VPS13D: variants seen among roughly 807,000 people sequenced by gnomAD.
VPS13D encodes the protein intermembrane lipid transfer protein VPS13D.
VPS13D carries 187 observed loss-of-function variants against 461.9 expected under a neutral mutation model. The ratio of observed to expected loss-of-function variants is 0.40; its 90% CI spans 0.36 to 0.46. The LOEUF (loss-of-function observed/expected upper bound fraction) is 0.46, where lower values mean the gene tolerates loss of function less well. Among genes scored for constraint, VPS13D ranks in the 20% least tolerant of loss-of-function variants. The pLI is 0.60. For missense variants in VPS13D, 4,711 were observed against 5,364.9 expected, an observed-to-expected ratio of 0.88 and a Z score of 3.81; for synonymous variants, 1,951 against 1,986.3, an observed-to-expected ratio of 0.98 and a Z score of 0.47.
At chr1:12,271,731 T>C (rs1486270934) in intron 17 of VPS13D, among the ~76,000 whole-genome samples, 1 of 151,944 alleles carries the variant, frequency 6.6e-6, no homozygotes, top group Admixed American at 6.6e-5. Flanking sequence ...ACTTTGTGCA[T>C]GTTTCATGTG....
chr1:12,347,735 C>A (rs979553896), intron 44 of VPS13D, among the ~76,000 whole-genome samples: 7 of 152,204 alleles, frequency 4.6e-5, no homozygotes, highest in African/African-American at 1.7e-4. Flanking sequence ...GCTTGAATGT[C>A]ATGCCATTTG....
At chr1:12,265,846 TA>T (rs1641251044) in intron 13 of VPS13D, among the ~76,000 whole-genome samples, 2 of 152,172 alleles carry the variant, frequency 1.3e-5, no homozygotes, top group African/African-American at 4.8e-5. Context: ...CTGGTGAAGA[TA>T]CTATGAACAC....
intron 46 of VPS13D, among the ~76,000 whole-genome samples, chr1:12,352,617 A>T (rs1017990254): frequency 6.6e-6 from 1 of 152,234 alleles, no homozygotes; most frequent in Non-Finnish European, 1.5e-5. Context: ...AGTAGCTAGT[A>T]GGAGTGTAAA....
chr1:12,405,551 C>T (rs1644641862), intron 63 of VPS13D, among the ~76,000 whole-genome samples: 1 of 152,154 alleles, frequency 6.6e-6, no homozygotes, highest in Non-Finnish European at 1.5e-5. Flanking sequence ...AGGAATGGCT[C>T]TTGCAGCCAT....
In VPS13D at chr1:12,299,314, T is replaced by C. The variant is rs760405262; in HGVS notation, c.6146T>C (p.Leu2049Ser). Residue 2049 changes from leucine to serine, a missense_variant, in exon 25 of 70, where the codon TTG becomes TCG. Leu to Ser is a moderately radical substitution (Grantham distance 145). Transcript: ENST00000620676. This position sits in a 1 kb window ranked among gnomAD's most constrained non-coding sequence, Gnocchi z 4.2. ...SRSNNLIVANLGKLKVKNKFL... is the reference protein window; with the variant it reads ...SRSNNLIVANSGKLKVKNKFL... ...TCAAATAATCTGATTGTAGCAAATT[T>C]GGGGAAGTTGAAAGTCAAAAATAAG... is the stretch of plus-strand genomic sequence containing the variant. The C allele has an allele frequency of 1.2e-6, 2 of 1,614,004 alleles. No individual in the cohort carries two copies. Among genetic ancestry groups the C allele is most frequent in the Non-Finnish European group, 8.5e-7 (1 of 1,179,994 alleles).
chr1:12,259,324 T>A lies in VPS13D; in HGVS notation c.1110+1221T>A, dbSNP rs547152316. Among the ~76,000 whole-genome samples the A allele has an allele frequency of 7.9e-5, 12 of 151,778 alleles. No homozygotes were observed. In the East Asian group the frequency reaches 1.2e-3, roughly 15 times the overall value. On this transcript the variant is annotated intron_variant, in intron 10 of 69. Transcript: ENST00000620676. ...ACCCCCAGCCTACTCTTTTTATTTT[T>A]TTTTTTTTTGAGACAGGATCTCCTT...
At position 12,345,482 on chromosome 1, in the gene VPS13D, A is replaced by G; in HGVS notation, c.8994A>G (p.Ala2998=). The change falls in exon 43 of 70, where the codon GCA becomes GCG. Residue 2998 remains alanine, a synonymous_variant. Transcript: ENST00000620676. The part of the protein sequence containing the change: ...DKVGTFFRYA[A]PDKNSSSSTI... ...TCGGGACCTTTTTTCGATATGCAGC[A>G]CCAGATAAAAATTCATCTTCCTCTA... 6 of 1,613,452 alleles carry G rather than the reference A, an allele frequency of 3.7e-6. No homozygotes were observed. Among genetic ancestry groups the G allele is most frequent in the African/African-American group, 1.3e-5 (1 of 75,044 alleles).
intron 47 of VPS13D, among the ~76,000 whole-genome samples, chr1:12,354,521 A>AGCTC (rs1643869432): frequency 6.6e-6 from 1 of 152,140 alleles, no homozygotes; most frequent in Non-Finnish European, 1.5e-5. Flanking sequence ...GCAACAAAGT[A>AGCTC]AGACCCTGTC....
intron 58 of VPS13D, among the ~76,000 whole-genome samples, chr1:12,384,357 C>T (rs1049431127): frequency 6.6e-6 from 1 of 152,060 alleles, no homozygotes; most frequent in African/African-American, 2.4e-5. Flanking sequence ...ATCCAGATCA[C>T]TAAGGGATGA....
rs1298600516 is a variant in VPS13D at position 12,363,222 on chromosome 1, A to G, written c.10423A>G (p.Asn3475Asp). 6.2e-7 allele frequency: 1 copy of G among 1,614,164 alleles called. No homozygotes were observed. Among genetic ancestry groups the G allele is most frequent in the Admixed American group, 1.7e-5 (1 of 60,016 alleles). Residue 3475 changes from asparagine to aspartate, a missense_variant, in exon 52 of 70, where the codon AAT (asparagine) becomes GAT (aspartate). Physicochemically the swap from Asn to Asp is conservative, Grantham distance 23. Coordinates refer to ENST00000620676, the MANE Select transcript of VPS13D (RefSeq NM_015378.4). ...IWSGGFEVNK[N>D]NSFHINMRDT... ...GTCTGGAGGCTTTGAAGTCAACAAG[A>G]ATAATTCCTTCCATATCAACATGAG... is the stretch of plus-strand genomic sequence containing the variant.
chr1:12,288,405 G>C, intron 22 of VPS13D, 92 bp downstream of exon 22: 1 of 1,153,070 alleles, frequency 8.7e-7, no homozygotes. Flanking sequence ...CACGTGCTGA[G>C]TAAGGTGTGG....
At chr1:12,413,145 A>G (rs192647760) in intron 63 of VPS13D, among the ~76,000 whole-genome samples, 95 of 151,872 alleles carry the variant, frequency 6.3e-4, no homozygotes, top group African/African-American at 2.1e-3. Context: ...ACCATTACAC[A>G]CTGTTCAGAT....
chr1:12,234,410 A>G (rs1156307742), intron 2 of VPS13D, 47 bp downstream of exon 2: 2 of 1,499,244 alleles, frequency 1.3e-6, no homozygotes, highest in Admixed American at 3.7e-5. Flanking sequence ...TGGCGTTTCT[A>G]TTTTTGTATT....
rs139048688 is a variant in VPS13D, at chr1:12,283,504, C to A, written c.5402C>A (p.Ser1801Tyr). ...LVDKKHPEFS[S>Y]SYNRVNRSID... is the part of the protein sequence containing the mutation. Reference sequence around the variant, plus strand: ...GATAAGAAACATCCAGAATTCTCTTCCAGTTACAATCGAGTTAACCGGAGC... The same window carrying A: ...GATAAGAAACATCCAGAATTCTCTTACAGTTACAATCGAGTTAACCGGAGC... The change falls in exon 21 of 70, where the codon TCC becomes TAC. Residue 1801 changes from serine to tyrosine, a missense_variant. Physicochemically the swap from Ser to Tyr is moderately radical, Grantham distance 144. Transcript: ENST00000620676. 5.0e-6 allele frequency: 8 copies of A among 1,614,222 alleles called. No homozygotes were observed. The highest frequency in any genetic ancestry group is 1.6e-4 in the Middle Eastern group (1 of 6,062).
At chr1:12,423,158 A>G (rs762663275) in intron 65 of VPS13D, among the ~76,000 whole-genome samples, 4 of 152,310 alleles carry the variant, frequency 2.6e-5, no homozygotes, top group African/African-American at 7.2e-5. Context: ...TCATTTGATC[A>G]TCAGAATTAC....
At chr1:12,412,139 T>C (rs1047437958) in intron 63 of VPS13D, among the ~76,000 whole-genome samples, 2 of 152,172 alleles carry the variant, frequency 1.3e-5, no homozygotes, top group South Asian at 4.1e-4. Context: ...AGAAAACAAT[T>C]AAACATTATT....
rs1235318650 is a variant in VPS13D, at chr1:12,322,544, A to T, written c.7713A>T (p.Leu2571Phe). 1.2e-6 allele frequency: 2 copies of T among 1,614,140 alleles called. No individual in the cohort carries two copies. The highest frequency in any genetic ancestry group is 2.2e-5 in the South Asian group (2 of 91,070). The change falls in exon 34 of 70, where the codon TTA (leucine) becomes TTT (phenylalanine). Residue 2571 changes from leucine (L) to phenylalanine (F), a missense_variant. Leu to Phe is a conservative substitution (Grantham distance 22). Coordinates refer to ENST00000620676, the MANE Select transcript of VPS13D (RefSeq NM_015378.4). The stretch of plus-strand genomic sequence containing the variant: ...TTTTTACATTTTGTTAGATTCAGTT[A>T]CAAGCCCTGGATATCAGACTCTCCT... ...EDFPPVLEIQ[L>F]QALDIRLSYN...
At chr1:12,448,973 A>G (rs1645227823) in intron 65 of VPS13D, among the ~76,000 whole-genome samples, 1 of 152,180 alleles carries the variant, frequency 6.6e-6, no homozygotes, top group Non-Finnish European at 1.5e-5. Context: ...ACTTCCTTGC[A>G]TGTGTTTCAA....
At chr1:12,365,404 G>GT in intron 52 of VPS13D, among the ~76,000 whole-genome samples, 1 of 152,110 alleles carries the variant, frequency 6.6e-6, no homozygotes, top group Non-Finnish European at 1.5e-5. Context: ...TTTCAGTTGT[G>GT]TCTTTAGTTT....
Sources: gnomAD v4.1 joint callset for allele counts (sites outside exome capture counted in the v4.1 genomes callset) on GRCh38, gnomAD v4.1.1 for gene constraint, Gnocchi (gnomAD v3.1) non-coding constraint, MANE v1.5 for transcripts, NCBI Gene and HGNC (gene_info 2026-07-23, HGNC 2026-07-21) for gene names.